CDC42BPA: variants seen among roughly 807,000 people sequenced by gnomAD.
CDC42BPA encodes serine/threonine-protein kinase MRCK alpha.
Under a neutral mutation model 223.5 loss-of-function variants are expected in CDC42BPA, and 80 were observed. The observed-to-expected ratio is 0.36, with a 90% CI of 0.30 to 0.43. The LOEUF (loss-of-function observed/expected upper bound fraction) is 0.43. CDC42BPA is among the 20% of genes least tolerant of loss of function. The probability of loss-of-function intolerance (pLI) is 1.00; values close to 1 mark genes in which losing one functional copy is unlikely to be tolerated. For missense variants in CDC42BPA, 1,743 were observed against 2,099.9 expected, an observed-to-expected ratio of 0.83 and a Z score of 3.32; for synonymous variants, 694 against 718.6, an observed-to-expected ratio of 0.97 and a Z score of 0.55.
At chr1:227,183,239 G>C (rs1378820636) in intron 5 of CDC42BPA, 1 of 152,056 alleles carries the variant, frequency 6.6e-6, no homozygotes, top group African/African-American at 2.4e-5. Context: ...ATTTTATCTT[G>C]TGTATAGATT....
Position 227,233,327 on chromosome 1 carries a change from A to G in CDC42BPA, c.271-20108T>C, listed in dbSNP as rs61834589. Reference sequence around the variant, plus strand: ...GCTAGGATTACAGGCATGAGCCACCACGCCCGGCCTCTATTTCTTTTCTTA... The same window carrying G: ...GCTAGGATTACAGGCATGAGCCACCGCGCCCGGCCTCTATTTCTTTTCTTA... On this transcript the variant is annotated intron_variant, in intron 2 of 36. Coordinates refer to ENST00000366766, the MANE Select transcript of CDC42BPA (RefSeq NM_001394014.1). Among the ~76,000 whole-genome samples the G allele has an allele frequency of 2.3e-3, 349 of 152,192 alleles. 2 individuals carry two copies. The highest frequency in any genetic ancestry group is 9.0e-3 in the Admixed American group (137 of 15,294).
At chr1:227,022,252 T>A (rs533892715) in intron 32 of CDC42BPA, among the ~76,000 whole-genome samples, 1 of 151,972 alleles carries the variant, frequency 6.6e-6, no homozygotes, top group Non-Finnish European at 1.5e-5. Context: ...GCCAACATGG[T>A]GAAACTCCAT....
intron 5 of CDC42BPA, among the ~76,000 whole-genome samples, chr1:227,177,339 C>T (rs76859897): frequency 2.0e-5 from 3 of 152,036 alleles, no homozygotes; most frequent in Admixed American, 6.5e-5. Flanking sequence ...CCCTCACCCC[C>T]ACTTCATTAC....
At chr1:227,081,115 C>T (rs1680536285) in intron 16 of CDC42BPA, 98 bp from the exon 17 acceptor site, 1 of 1,149,332 alleles carries the variant, frequency 8.7e-7, no homozygotes, top group South Asian at 1.4e-5. Flanking sequence ...ATCATCTACC[C>T]AAAAATGCCT....
chr1:227,072,131 G>T, intron 20 of CDC42BPA, 77 bp downstream of exon 20: 1 of 811,208 alleles, frequency 1.2e-6, no homozygotes, highest in South Asian at 1.9e-5. Flanking sequence ...CCTATGCAAT[G>T]AATTGATTCT....
At chr1:227,041,921 AC>A (rs1434482551) in intron 23 of CDC42BPA, among the ~76,000 whole-genome samples, 2 of 152,306 alleles carry the variant, frequency 1.3e-5, no homozygotes, top group East Asian at 3.9e-4. Context: ...GCAAATAACC[AC>A]CTTGGAAAGA....
intron 21 of CDC42BPA, among the ~76,000 whole-genome samples, chr1:227,052,818 A>G (rs1335509244): frequency 1.3e-5 from 2 of 152,086 alleles, no homozygotes; most frequent in African/African-American, 2.4e-5. Context: ...TGTTCTTACT[A>G]TGGCTATATT....
intron 1 of CDC42BPA, among the ~76,000 whole-genome samples, chr1:227,266,993 C>T (rs1020732619): frequency 6.6e-6 from 1 of 151,940 alleles, no homozygotes; most frequent in African/African-American, 2.4e-5. Flanking sequence ...TCAGAAAGAG[C>T]AGGAAAACAT....
intron 11 of CDC42BPA, among the ~76,000 whole-genome samples, chr1:227,126,299 G>C (rs1342360924): frequency 6.6e-6 from 1 of 152,082 alleles, no homozygotes; most frequent in Non-Finnish European, 1.5e-5. Context: ...TCACATCGAG[G>C]TTGTCATTGA....
At chr1:227,095,567 A>G (rs1312293241) in intron 15 of CDC42BPA, among the ~76,000 whole-genome samples, 1 of 150,992 alleles carries the variant, frequency 6.6e-6, no homozygotes, top group African/African-American at 2.4e-5. Flanking sequence ...CTTCTAAGGA[A>G]AAAAGGGGAA....
intron 3 of CDC42BPA, among the ~76,000 whole-genome samples, chr1:227,200,015 CA>C (rs1671440506): frequency 6.6e-6 from 1 of 152,172 alleles, no homozygotes; most frequent in Non-Finnish European, 1.5e-5. Flanking sequence ...CTTCCTACTC[CA>C]AACTGTGAAC....
At chr1:227,148,000 C>T (rs1162300861) in intron 6 of CDC42BPA, among the ~76,000 whole-genome samples, 1 of 152,004 alleles carries the variant, frequency 6.6e-6, no homozygotes, top group East Asian at 1.9e-4. Flanking sequence ...TATGTTCAAA[C>T]TCCTTAATAG....
Position 227,154,639 on chromosome 1 carries a change from T to C in CDC42BPA, c.693+5904A>G, listed in dbSNP as rs552717693. On this transcript the variant is annotated intron_variant, in intron 6 of 36. Transcript: ENST00000366766. Reference sequence around the variant, plus strand: ...AATACAGGTAACATTAAAAAATCCATAAGTCGTTTAGGAGCAAATCTAACT... The same window carrying C: ...AATACAGGTAACATTAAAAAATCCACAAGTCGTTTAGGAGCAAATCTAACT... 3.3e-5 allele frequency among the ~76,000 whole-genome samples: 5 copies of C among 152,128 alleles called. No individual in the cohort carries two copies. The South Asian group carries it at 6.2e-4, about 19-fold the overall frequency.
chr1:227,111,043 T>C lies in CDC42BPA; in HGVS notation c.2001+1269A>G, dbSNP rs540927652. ...GTGTTTTCAATAAGCTAGGTCACAG[T>C]TTAGTTGGAAATATACAGATTTGCA... On this transcript the variant is annotated intron_variant, in intron 14 of 36. Transcript: ENST00000366766. Among the ~76,000 whole-genome samples, 17 of 152,326 alleles carry C rather than the reference T, an allele frequency of 1.1e-4. No individual in the cohort carries two copies. The South Asian group carries it at 3.5e-3, about 32-fold the overall frequency.
intron 6 of CDC42BPA, among the ~76,000 whole-genome samples, chr1:227,149,656 T>A (rs375549233): frequency 6.6e-6 from 1 of 152,012 alleles, no homozygotes; most frequent in Admixed American, 6.6e-5. Context: ...ATAAACGTAA[T>A]AAATAGGTAA....
chr1:227,170,491 A>T (rs1400156805), intron 5 of CDC42BPA, among the ~76,000 whole-genome samples: 1 of 151,686 alleles, frequency 6.6e-6, no homozygotes, highest in Non-Finnish European at 1.5e-5. Context: ...TTGTTGTTTT[A>T]TATTAGTCAC....
intron 22 of CDC42BPA, among the ~76,000 whole-genome samples, chr1:227,051,084 T>C (rs1275757918): frequency 6.6e-6 from 1 of 151,814 alleles, no homozygotes; most frequent in African/African-American, 2.4e-5. Flanking sequence ...TGTCACAGAG[T>C]TGGAAAAATC....
rs16847469 is a variant in CDC42BPA at position 227,220,886 on chromosome 1, C to T, written c.271-7667G>A. The stretch of plus-strand genomic sequence containing the variant: ...CCAAGAACAAAAATATGAACAAAAA[C>T]GTCACCCCCATTTTACCTTTTCCTC... On this transcript the variant is annotated intron_variant, in intron 2 of 36. Transcript: ENST00000366766. Among the ~76,000 whole-genome samples, 332 of 152,282 alleles carry T rather than the reference C, an allele frequency of 2.2e-3. 9 individuals are homozygous for T. In the East Asian group the frequency reaches 0.045, roughly 21 times the overall value.
At chr1:227,004,826 C>T (rs1663653488) in intron 35 of CDC42BPA, 168 bp downstream of exon 35, 1 of 738,186 alleles carries the variant, frequency 1.4e-6, no homozygotes, top group East Asian at 2.5e-5. Flanking sequence ...TTCTTAACAA[C>T]TGCATTTGTG....
Sources: allele counts gnomAD v4.1 joint callset (sites outside exome capture counted in the v4.1 genomes callset), GRCh38; gene constraint gnomAD v4.1.1; transcripts MANE v1.5; gene names NCBI Gene and HGNC (gene_info 2026-07-23, HGNC 2026-07-21).